The following LIMD2 variants were observed in gnomAD, a reference collection of about 807,000 sequenced individuals.
LIMD2 encodes the protein LIM domain-containing protein 2.
In LIMD2, 11 loss-of-function variants were observed where a neutral mutation model predicts 16.0. The observed-to-expected ratio is 0.69, with a 90% CI of 0.43 to 1.14. The LOEUF (loss-of-function observed/expected upper bound fraction) is 1.14, where lower values mean the gene tolerates loss of function less well. Ranked by LOEUF, LIMD2 falls within the 50% of genes most tolerant of loss-of-function variation. The probability of loss-of-function intolerance (pLI) is 0.00; values close to 1 mark genes in which losing one functional copy is unlikely to be tolerated. For synonymous variants in LIMD2, 60 were observed against 67.1 expected (o/e 0.89, Z 0.52); for missense variants, 168 against 165.8 (o/e 1.01, Z -0.07).
At chr17:63,699,224 C>A in intron 2 of LIMD2, 33 bp downstream of exon 2, 2 of 1,609,808 alleles carry the variant, frequency 1.2e-6, no homozygotes, top group Non-Finnish European at 1.7e-6. Context: ...AGGCTCCTGT[C>A]CGGGGGGCCC....
upstream of LIMD2, chr17:63,700,277 C>T (rs1247703680): frequency 6.2e-6 from 3 of 486,094 alleles, no homozygotes; most frequent in African/African-American, 2.1e-5. The surrounding 1 kb of genome is among the most constrained non-coding windows in gnomAD (Gnocchi z 7.1). Context: ...TTCCCCTCGC[C>T]GCCGTCCCCG....
chr17:63,696,589 A>C lies in LIMD2; in HGVS notation c.*1963T>G, dbSNP rs2035697088. 6.6e-6 allele frequency: 1 copy of C among 152,310 alleles called. No homozygotes were observed. Among genetic ancestry groups the C allele is most frequent in the Non-Finnish European group, 1.5e-5 (1 of 68,148 alleles). The allele number at this position is 152,310 out of a possible 1,614,324, so 9.4% of individuals were successfully genotyped here. A position where few individuals can be genotyped will look rare whatever the true frequency, so the allele number is the denominator to read the frequency against. ...TGGCCCTCACAACCTGAACGTCACC[A>C]GTGGCTGAGTTCCCGGAGCTTTCAT... On this transcript the variant is annotated 3_prime_UTR_variant, in exon 5 of 5. Coordinates refer to ENST00000259006, the MANE Select transcript of LIMD2 (RefSeq NM_030576.4).
Position 63,696,032 on chromosome 17 carries a change from C to T in LIMD2, c.*2520G>A, listed in dbSNP as rs1026006394. ...GGCTTGCTGTGGGAAGGGGCCGTGC[C>T]GTCACTTTCTCATCATTCCATGGGG... On this transcript the variant is annotated 3_prime_UTR_variant, in exon 5 of 5. Transcript: ENST00000259006. 8 of 152,568 alleles carry T rather than the reference C, an allele frequency of 5.2e-5. No homozygotes were observed. The highest frequency in any genetic ancestry group is 7.3e-5 in the Non-Finnish European group (5 of 68,068). 9.5% of individuals were successfully genotyped at this position (152,568 alleles called of 1,614,324 possible).
At chr17:63,700,167 C>T, upstream of LIMD2, 2 of 982,918 alleles carry the variant, frequency 2.0e-6, no homozygotes, top group Non-Finnish European at 2.4e-6. The surrounding 1 kb of genome is among the most constrained non-coding windows in gnomAD (Gnocchi z 7.1). Flanking sequence ...GCTGCACCGC[C>T]CCCGCCGGCC....
Position 63,699,088 on chromosome 17 carries a change from C to A in LIMD2, c.43-19G>T. The A allele has an allele frequency of 6.3e-7, 1 of 1,598,436 alleles. No individual in the cohort carries two copies. On this transcript the variant is annotated intron_variant, in intron 2 of 4. Transcript: ENST00000259006. The stretch of plus-strand genomic sequence containing the variant: ...TGGCGTCCTGAGGGAGAGGGGCGGT[C>A]AGGGCAGGGGCAGCTCCGGGAGGCC...
At chr17:63,699,968 C>T in intron 1 of LIMD2, 64 bp downstream of exon 1, 1 of 983,980 alleles carries the variant, frequency 1.0e-6, no homozygotes, top group East Asian at 1.1e-4. Flanking sequence ...GCCCTCACCC[C>T]ACACCCCTCG....
chr17:63,698,085 A>G lies in LIMD2; in HGVS notation c.*467T>C, dbSNP rs1241845493. ...TGCAGGGGCATTTATGATGCCCAACAGGTGGCACTGTCGCGCTCCTTCCTC... is the reference window on the plus strand; with the variant it reads ...TGCAGGGGCATTTATGATGCCCAACGGGTGGCACTGTCGCGCTCCTTCCTC... On this transcript the variant is annotated 3_prime_UTR_variant, in exon 5 of 5. Transcript: ENST00000259006. 2 of 169,336 alleles carry G rather than the reference A, an allele frequency of 1.2e-5. No homozygotes were observed. Among genetic ancestry groups the G allele is most frequent in the African/African-American group, 4.8e-5 (2 of 41,664 alleles). 10.5% of individuals were successfully genotyped at this position (169,336 alleles called of 1,614,324 possible). A position where few individuals can be genotyped will look rare whatever the true frequency, so the allele number is the denominator to read the frequency against.
intron 1 of LIMD2, chr17:63,699,772 T>TGCCCCC: frequency 3.3e-5 from 11 of 329,574 alleles, no homozygotes; most frequent in East Asian, 1.8e-4. Context: ...GCGCCCGAGG[T>TGCCCCC]CCCCGCCCGC....
At chr17:63,700,283 C>T (rs2035766276), upstream of LIMD2, 1 of 482,980 alleles carries the variant, frequency 2.1e-6, no homozygotes, top group African/African-American at 2.1e-5. This position sits in a 1 kb window ranked among gnomAD's most constrained non-coding sequence, Gnocchi z 7.1. Context: ...TCGCCGCCGT[C>T]CCCGCCTTTG....
rs748342516 is a variant in LIMD2 at position 63,698,542 on chromosome 17, T to C, written c.*10A>G. The C allele has an allele frequency of 1.2e-6, 2 of 1,613,058 alleles. No individual in the cohort carries two copies. The highest frequency in any genetic ancestry group is 1.7e-6 in the Non-Finnish European group (2 of 1,179,810). On this transcript the variant is annotated 3_prime_UTR_variant, in exon 5 of 5. Transcript: ENST00000259006. ...GCCTTCCGCAGAGGGGGTGGAAGGTTACAGAGGCCTCAGGCCGTCTTGGTG... is the reference window on the plus strand; with the variant it reads ...GCCTTCCGCAGAGGGGGTGGAAGGTCACAGAGGCCTCAGGCCGTCTTGGTG...
At position 63,697,175 on chromosome 17, in the gene LIMD2, G is replaced by A. The variant is rs2143663861; in HGVS notation, c.*1377C>T. The A allele has an allele frequency of 6.6e-6, 1 of 152,360 alleles. No homozygotes were observed. The highest frequency in any genetic ancestry group is 1.9e-4 in the East Asian group (1 of 5,190). The allele number at this position is 152,360 out of a possible 1,614,324, so 9.4% of individuals were successfully genotyped here. A position where few individuals can be genotyped will look rare whatever the true frequency, so the allele number is the denominator to read the frequency against. ...TGAACTCATCCCTCATTGTCCCTGGGTTTTCAGAGAAGCAGAGGTAGTTTC... is the reference window on the plus strand; with the variant it reads ...TGAACTCATCCCTCATTGTCCCTGGATTTTCAGAGAAGCAGAGGTAGTTTC... On this transcript the variant is annotated 3_prime_UTR_variant, in exon 5 of 5. Transcript: ENST00000259006.
chr17:63,696,933 T>C lies in LIMD2; in HGVS notation c.*1619A>G, dbSNP rs1465086380. On this transcript the variant is annotated 3_prime_UTR_variant, in exon 5 of 5. Coordinates refer to ENST00000259006, the MANE Select transcript of LIMD2 (RefSeq NM_030576.4). Reference sequence around the variant, plus strand: ...GTGACTTATGTGACACTGGAGCCTGTGGCCCAGCTCCCTGCCCTGTTCCAC... The same window carrying C: ...GTGACTTATGTGACACTGGAGCCTGCGGCCCAGCTCCCTGCCCTGTTCCAC... 6.6e-6 allele frequency: 1 copy of C among 152,224 alleles called. No individual in the cohort carries two copies. The highest frequency in any genetic ancestry group is 1.9e-4 in the East Asian group (1 of 5,184). 9.4% of individuals were successfully genotyped at this position (152,224 alleles called of 1,614,324 possible). A position where few individuals can be genotyped will look rare whatever the true frequency, so the allele number is the denominator to read the frequency against.
chr17:63,696,536 C>G lies in LIMD2; in HGVS notation c.*2016G>C, dbSNP rs149341691. 2 of 152,462 alleles carry G rather than the reference C, an allele frequency of 1.3e-5. No individual in the cohort carries two copies. Among genetic ancestry groups the G allele is most frequent in the African/African-American group, 4.8e-5 (2 of 41,546 alleles). 9.4% of individuals were successfully genotyped at this position (152,462 alleles called of 1,614,324 possible). A position where few individuals can be genotyped will look rare whatever the true frequency, so the allele number is the denominator to read the frequency against. ...AGGAGCTCCACTGGGGTGGTCCCAA[C>G]AGGGCTGATTTACCAGGGTGGCACT... On this transcript the variant is annotated 3_prime_UTR_variant, in exon 5 of 5. Coordinates refer to ENST00000259006, the MANE Select transcript of LIMD2 (RefSeq NM_030576.4).
intron 2 of LIMD2, 75 bp downstream of exon 2, chr17:63,699,182 A>C: frequency 6.3e-7 from 1 of 1,593,780 alleles, no homozygotes; most frequent in Non-Finnish European, 8.5e-7. Flanking sequence ...GGGGCCGGCA[A>C]ACTCTGATGC....
In LIMD2 at chr17:63,699,133, A is replaced by T. The variant is rs557293313; in HGVS notation, c.43-64T>A. On this transcript the variant is annotated intron_variant, in intron 2 of 4. Transcript: ENST00000259006. Reference sequence around the variant, plus strand: ...GAGGCCCTGGATCAGGGCTGCAGCCATCAGCCCAAGGCCCAGGGGCGCGCC... The same window carrying T: ...GAGGCCCTGGATCAGGGCTGCAGCCTTCAGCCCAAGGCCCAGGGGCGCGCC... 1.5e-5 allele frequency: 23 copies of T among 1,578,820 alleles called. No homozygotes were observed. The African/African-American group carries it at 2.1e-4, about 15-fold the overall frequency.
In LIMD2 at chr17:63,698,869, G is replaced by C; in HGVS notation, c.154C>G (p.Arg52Gly). 1 of 1,612,898 alleles carries C rather than the reference G, an allele frequency of 6.2e-7. No homozygotes were observed. The highest frequency in any genetic ancestry group is 8.5e-7 in the Non-Finnish European group (1 of 1,179,940). ...AAAATGAGCTTGTCGGCCACCAGCCGCTCCATGGGGTACACGGTCTTCTGG... is the reference window on the plus strand; with the variant it reads ...AAAATGAGCTTGTCGGCCACCAGCCCCTCCATGGGGTACACGGTCTTCTGG... ...ACQKTVYPME[R>G]LVADKLIFHN... Residue 52 changes from arginine to glycine, a missense_variant, in exon 4 of 5, where the codon CGG (arginine) becomes GGG (glycine). Arg to Gly is a moderately radical substitution (Grantham distance 125). Coordinates refer to ENST00000259006, the MANE Select transcript of LIMD2 (RefSeq NM_030576.4).
upstream of LIMD2, chr17:63,700,155 T>C (rs1393425132): frequency 1.0e-6 from 1 of 981,274 alleles, no homozygotes; most frequent in Non-Finnish European, 1.2e-6. This position sits in a 1 kb window ranked among gnomAD's most constrained non-coding sequence, Gnocchi z 7.1. Context: ...CACCGCCTTA[T>C]CGCTGCACCG....
Position 63,698,784 on chromosome 17 carries a change from A to G in LIMD2, c.224+15T>C, listed in dbSNP as rs1331731498. ...GTTGGCAGGCGAGGCGGGGGCGGGC[A>G]GGGCAGGGGCGCACCTGAGCTTGGT... On this transcript the variant is annotated intron_variant, in intron 4 of 4. Transcript: ENST00000259006. 3 of 1,456,158 alleles carry G rather than the reference A, an allele frequency of 2.1e-6. No individual in the cohort carries two copies. In the African/African-American group the frequency reaches 4.2e-5, roughly 21 times the overall value. 90.2% of individuals were successfully genotyped at this position (1,456,158 alleles called of 1,614,324 possible). A position where few individuals can be genotyped will look rare whatever the true frequency, so the allele number is the denominator to read the frequency against.
intron 1 of LIMD2, 105 bp from the exon 2 acceptor site, chr17:63,699,453 C>A (rs2035750696): frequency 9.1e-7 from 1 of 1,102,164 alleles, no homozygotes; most frequent in African/African-American, 1.6e-5. Flanking sequence ...TGGGACTTTC[C>A]CTAAGTCATT....
Sources: allele counts gnomAD v4.1 joint callset, GRCh38; gene constraint gnomAD v4.1.1; non-coding constraint Gnocchi (gnomAD v3.1); transcripts MANE v1.5; gene names NCBI Gene and HGNC (gene_info 2026-07-23, HGNC 2026-07-21).